TMEM222: variants seen among roughly 807,000 people sequenced by gnomAD.
The protein encoded by TMEM222 is transmembrane protein 222.
Under a neutral mutation model 25.1 loss-of-function variants are expected in TMEM222, and 18 were observed. The observed-to-expected ratio is 0.72, with a 90% CI of 0.50 to 1.06. The LOEUF (loss-of-function observed/expected upper bound fraction) is 1.06, where lower values mean the gene tolerates loss of function less well. TMEM222 is among the 50% of genes least tolerant of loss of function. The pLI, the probability that TMEM222 is intolerant of heterozygous loss-of-function variation, is 0.00. For synonymous variants in TMEM222, 131 were observed against 117.9 expected, an observed-to-expected ratio of 1.11 and a Z score of -0.72; for missense variants, 296 against 293.7, an observed-to-expected ratio of 1.01 and a Z score of -0.06.
chr1:27,332,986 CCTTGG>C (rs2148018064), intron 3 of TMEM222: 1 of 297,368 alleles, frequency 3.4e-6, no homozygotes, highest in East Asian at 8.1e-5. Flanking sequence ...TCCCAGCTCT[CCTTGG>C]CCTGAGACCC....
chr1:27,335,489 C>T lies in TMEM222; in HGVS notation c.*23C>T. 2 of 1,610,438 alleles carry T rather than the reference C, an allele frequency of 1.2e-6. No individual in the cohort carries two copies. Among genetic ancestry groups the T allele is most frequent in the Non-Finnish European group, 8.5e-7 (1 of 1,176,788 alleles). On this transcript the variant is annotated 3_prime_UTR_variant, in exon 6 of 6. Coordinates refer to ENST00000374076, the MANE Select transcript of TMEM222 (RefSeq NM_032125.3). The stretch of plus-strand genomic sequence containing the variant: ...TGATGGCTGCTCGGTGGCCCCACAC[C>T]CACCAGGGTCCCGAGGAAACAGCCG...
At chr1:27,323,076 C>G (rs1029960735) in intron 1 of TMEM222, among the ~76,000 whole-genome samples, 3 of 152,164 alleles carry the variant, frequency 2.0e-5, no homozygotes, top group Non-Finnish European at 4.4e-5. Context: ...AGCTGATAAA[C>G]GTAACCCCTC....
chr1:27,323,092 C>G (rs1192036410), intron 1 of TMEM222, among the ~76,000 whole-genome samples: 1 of 152,206 alleles, frequency 6.6e-6, no homozygotes, highest in Non-Finnish European at 1.5e-5. Context: ...CCCTCCTCAC[C>G]GTGCTGGATA....
chr1:27,325,879 A>G (rs888026578), intron 1 of TMEM222: 1 of 753,234 alleles, frequency 1.3e-6, no homozygotes, highest in African/African-American at 1.7e-5. Flanking sequence ...CATATACCTC[A>G]TGCTAGCCTC....
intron 5 of TMEM222, 120 bp from the exon 6 acceptor site, chr1:27,335,259 G>C (rs2148020005): frequency 1.1e-6 from 1 of 936,364 alleles, no homozygotes; most frequent in Admixed American, 1.9e-5. Context: ...GGGTGAGGGG[G>C]TGGTTGGGTT....
intron 2 of TMEM222, 113 bp downstream of exon 2, chr1:27,330,917 G>A (rs539169695): frequency 6.0e-5 from 95 of 1,578,560 alleles, no homozygotes; most frequent in Non-Finnish European, 7.9e-5. Flanking sequence ...TAGATAACCC[G>A]CAGTCCTGGC....
At chr1:27,328,842 T>G (rs1432020319) in intron 1 of TMEM222, among the ~76,000 whole-genome samples, 1 of 152,230 alleles carries the variant, frequency 6.6e-6, no homozygotes. Flanking sequence ...CTCTGGAGGC[T>G]TGGCCTGCAC....
At chr1:27,333,794 C>T in intron 3 of TMEM222, 164 bp from the exon 4 acceptor site, 1 of 625,408 alleles carries the variant, frequency 1.6e-6, no homozygotes, top group Non-Finnish European at 2.8e-6. Flanking sequence ...CCACCTCACC[C>T]TGTGTCACAG....
intron 3 of TMEM222, chr1:27,333,380 T>G (rs753988505): frequency 1.5e-5 from 7 of 471,076 alleles, no homozygotes; most frequent in Non-Finnish European, 1.8e-5. Context: ...CCAGGAAGCC[T>G]TCTCACACCC....
chr1:27,322,295 A>G lies in TMEM222; in HGVS notation c.98A>G (p.Asp33Gly). 1 of 1,563,722 alleles carries G rather than the reference A, an allele frequency of 6.4e-7. No homozygotes were observed. Among genetic ancestry groups the G allele is most frequent in the Non-Finnish European group, 8.7e-7 (1 of 1,152,860 alleles). ...GAGGCGCCGACGGCGGCCGAGACGG[A>G]CATGAAGCAATATCAAGGCTCCGGC... Reference protein sequence around the residue: ...EVEAPTAAETDMKQYQGSGGV... With the variant: ...EVEAPTAAETGMKQYQGSGGV... Residue 33 changes from aspartate to glycine, a missense_variant, in exon 1 of 6, where the codon GAC becomes GGC. By Grantham distance (94) the Asp-to-Gly change is moderately conservative. Transcript: ENST00000374076.
Position 27,334,071 on chromosome 1 carries a change from G to A in TMEM222, c.408+17G>A, listed in dbSNP as rs368496951. 40 of 1,614,042 alleles carry A rather than the reference G, an allele frequency of 2.5e-5. No individual in the cohort carries two copies. Among genetic ancestry groups the A allele is most frequent in the South Asian group, 2.1e-4 (19 of 91,072 alleles). ...CACCGCATGGTAGGTGGGCCAGGGC[G>A]GCACCGGCACTCCCCAGGTGGGGAC... is the stretch of plus-strand genomic sequence containing the variant. On this transcript the variant is annotated intron_variant, in intron 4 of 5. Transcript: ENST00000374076.
At chr1:27,333,104 G>A (rs1202790745) in intron 3 of TMEM222, 3 of 337,698 alleles carry the variant, frequency 8.9e-6, no homozygotes, top group African/African-American at 6.5e-5. Context: ...AAGCTGCCTG[G>A]GAGACTAGGG....
At chr1:27,329,329 G>A (rs74648074) in intron 1 of TMEM222, among the ~76,000 whole-genome samples, 1,824 of 152,038 alleles carry the variant, frequency 0.012, 20 homozygotes, top group Admixed American at 0.021. Context: ...CCACCCAGAC[G>A]GGGGCTAGAA....
chr1:27,334,495 G>A, intron 5 of TMEM222: 2 of 1,315,546 alleles, frequency 1.5e-6, no homozygotes, highest in Non-Finnish European at 2.0e-6. Flanking sequence ...CCCAAATGCA[G>A]CTCTGGCTCT....
intron 1 of TMEM222, among the ~76,000 whole-genome samples, chr1:27,328,649 C>T (rs1165622060): frequency 6.6e-6 from 1 of 152,204 alleles, no homozygotes; most frequent in Non-Finnish European, 1.5e-5. Context: ...ACAGCAGTAG[C>T]CCCTGAGCTG....
intron 1 of TMEM222, among the ~76,000 whole-genome samples, chr1:27,328,468 A>G (rs965262837): frequency 6.6e-6 from 1 of 152,084 alleles, no homozygotes; most frequent in Admixed American, 6.5e-5. Context: ...TCAAAAGACC[A>G]CTCTGGCCCT....
At chr1:27,329,410 T>TG (rs1278607516) in intron 1 of TMEM222, among the ~76,000 whole-genome samples, 6 of 152,168 alleles carry the variant, frequency 3.9e-5, no homozygotes, top group African/African-American at 1.4e-4. Context: ...CACCCCGCTG[T>TG]GGACCTCTAG....
rs2014552697 is a variant in TMEM222 at position 27,334,263 on chromosome 1, T to C, written c.521T>C (p.Leu174Pro). Reference protein sequence around the residue: ...NMVTLCFFCLLYGKYVSVGAF... With the variant: ...NMVTLCFFCLPYGKYVSVGAF... ...GTGACGCTCTGCTTCTTCTGCCTGC[T>C]CTACGGGAAGTACGTCAGGTGAGCT... The change falls in exon 5 of 6, where the codon CTC becomes CCC. Residue 174 changes from leucine to proline, a missense_variant. Transcript: ENST00000374076. The C allele has an allele frequency of 6.2e-7, 1 of 1,614,128 alleles. No homozygotes were observed. Among genetic ancestry groups the C allele is most frequent in the African/African-American group, 1.3e-5 (1 of 74,948 alleles).
chr1:27,327,688 C>G (rs1032914635), intron 1 of TMEM222, among the ~76,000 whole-genome samples: 3 of 152,244 alleles, frequency 2.0e-5, no homozygotes, highest in Non-Finnish European at 4.4e-5. Flanking sequence ...TGAGCCCAGC[C>G]TTGACTCACT....
Sources: allele counts gnomAD v4.1 joint callset (sites outside exome capture counted in the v4.1 genomes callset), GRCh38; gene constraint gnomAD v4.1.1; transcripts MANE v1.5; gene names NCBI Gene and HGNC (gene_info 2026-07-23, HGNC 2026-07-21).